HAL: variants seen among roughly 807,000 people sequenced by gnomAD.
HAL encodes the protein histidase.
In HAL, 85 loss-of-function variants were observed where a neutral mutation model predicts 81.1. The observed-to-expected ratio is 1.05, with a 90% confidence interval of 0.88 to 1.25. The LOEUF is 1.25. Among genes scored for constraint, HAL ranks in the 50% most tolerant of loss-of-function variants. The probability of loss-of-function intolerance (pLI) is 0.00; values close to 1 mark genes in which losing one functional copy is unlikely to be tolerated. For missense variants in HAL, 798 were observed against 836.6 expected, an observed-to-expected ratio of 0.95 and a Z score of 0.57; for synonymous variants, 301 against 309.2, an observed-to-expected ratio of 0.97 and a Z score of 0.28.
intron 14 of HAL, among the ~76,000 whole-genome samples, chr12:95,985,317 G>A (rs779467269): frequency 8.5e-5 from 13 of 152,076 alleles, no homozygotes; most frequent in African/African-American, 1.4e-4. Context: ...TGTCTGGGCC[G>A]GGGACGGTCC....
Position 95,974,367 on chromosome 12 carries a change from C to G in HAL, c.1839G>C (p.Trp613Cys). The change falls in exon 21 of 21, where the codon TGG becomes TGC. Residue 613 changes from tryptophan (W) to cysteine (C), a missense_variant. By Grantham distance (215) the Trp-to-Cys change is radical (BLOSUM62 -2). Transcript: ENST00000261208. Reference protein sequence around the residue: ...AHRLLLEQKVWEVAAPYIEKY... With the variant: ...AHRLLLEQKVCEVAAPYIEKY... ...TTTCAATGTATGGAGCAGCTACTTC[C>G]CAAACCTGAAAAGCAAGGACAAAAC... The G allele has an allele frequency of 1.2e-6, 2 of 1,613,668 alleles. No individual in the cohort carries two copies. Among genetic ancestry groups the G allele is most frequent in the Non-Finnish European group, 1.7e-6 (2 of 1,179,596 alleles).
chr12:95,994,273 C>A (rs574196892), intron 4 of HAL, 109 bp from the exon 5 acceptor site: 1 of 811,876 alleles, frequency 1.2e-6, no homozygotes, highest in African/African-American at 1.7e-5. Flanking sequence ...CTGATCATTG[C>A]GTGAAACATG....
intron 12 of HAL, among the ~76,000 whole-genome samples, 158 bp downstream of exon 12, chr12:95,986,909 C>G (rs149677985): frequency 3.3e-5 from 5 of 152,150 alleles, no homozygotes; most frequent in Non-Finnish European, 7.3e-5. Context: ...GTGCCATAGC[C>G]TAGATGAAGA....
In HAL at chr12:95,992,081, A is replaced by G. The variant is rs76599419; in HGVS notation, c.715+599T>C. On this transcript the variant is annotated intron_variant, in intron 9 of 20. Transcript: ENST00000261208. ...GTGAGAAGGGACAATACCTCCAATCACTGCAAATCTGGTTTCCACATTAGA... is the reference window on the plus strand; with the variant it reads ...GTGAGAAGGGACAATACCTCCAATCGCTGCAAATCTGGTTTCCACATTAGA... 9.2e-5 allele frequency among the ~76,000 whole-genome samples: 14 copies of G among 152,296 alleles called. No homozygotes were observed. The East Asian group carries it at 1.9e-3, about 21-fold the overall frequency.
intron 10 of HAL, 102 bp downstream of exon 10, chr12:95,990,291 C>A: frequency 2.1e-6 from 2 of 938,966 alleles, no homozygotes; most frequent in Non-Finnish European, 3.5e-6. Flanking sequence ...TAGGAGCTCC[C>A]TCACTGGGCT....
intron 14 of HAL, 84 bp from the exon 15 acceptor site, chr12:95,984,075 A>G (rs1949847216): frequency 4.0e-6 from 3 of 745,274 alleles, no homozygotes; most frequent in Non-Finnish European, 7.2e-6. Context: ...AGAAGATCTT[A>G]TCTTAAAGTT....
intron 17 of HAL, among the ~76,000 whole-genome samples, chr12:95,978,635 T>C (rs1234150055): frequency 6.6e-6 from 1 of 152,136 alleles, no homozygotes; most frequent in African/African-American, 2.4e-5. Context: ...CCAGTGCACA[T>C]GAATCACTCA....
At chr12:95,986,569 A>G (rs1949891410) in intron 12 of HAL, among the ~76,000 whole-genome samples, 1 of 152,242 alleles carries the variant, frequency 6.6e-6, no homozygotes, top group Non-Finnish European at 1.5e-5. Context: ...TTAAAGGAAC[A>G]GGGCGAATAA....
rs774228860 is a variant in HAL at position 95,987,170 on chromosome 12, G to A, written c.948C>T (p.Gly316=). 8 of 1,612,752 alleles carry A rather than the reference G, an allele frequency of 5.0e-6. No individual in the cohort carries two copies. In the South Asian group the frequency reaches 7.7e-5, roughly 15 times the overall value. ...CACTGGCTCGCTCTACAGCTTCACA[G>A]CCCAGGGATGTGATCATCTGCGTCC... is the stretch of plus-strand genomic sequence containing the variant. ...INGTQMITSL[G]CEAVERASAI... The change falls in exon 12 of 21, where the codon GGC becomes GGT. Residue 316 remains glycine, a synonymous_variant. Coordinates refer to ENST00000261208, the MANE Select transcript of HAL (RefSeq NM_002108.4).
chr12:95,976,453 G>C lies in HAL; in HGVS notation c.1809C>G (p.Ala603=). 2 of 1,613,956 alleles carry C rather than the reference G, an allele frequency of 1.2e-6. No homozygotes were observed. The highest frequency in any genetic ancestry group is 2.7e-5 in the African/African-American group (2 of 75,036). ...CCTTCTGCTCCAGGAGCAGCCTGTG[G>C]GCTGCCTCGATGTCCGGGGCCATGA... ...DRFMAPDIEA[A]HRLLLEQKVW... The change falls in exon 20 of 21, where the codon GCC becomes GCG. Residue 603 remains alanine, a synonymous_variant. Transcript: ENST00000261208.
rs1319754202 is a variant in HAL at position 95,995,651 on chromosome 12, T to C, written c.247+13A>G. 1.2e-6 allele frequency: 2 copies of C among 1,612,794 alleles called. No homozygotes were observed. Among genetic ancestry groups the C allele is most frequent in the Non-Finnish European group, 1.7e-6 (2 of 1,180,034 alleles). On this transcript the variant is annotated intron_variant, in intron 2 of 20. Transcript: ENST00000261208. ...ACCGCACCCGTTCGCGGCCCTCTCC[T>C]GCAGCCACTCACCCACTTCCACGAA...
intron 10 of HAL, 163 bp downstream of exon 10, chr12:95,990,230 G>C (rs545196786): frequency 2.0e-5 from 14 of 712,450 alleles, no homozygotes; most frequent in Non-Finnish European, 3.6e-5. Flanking sequence ...CAACAGTCTT[G>C]CCTAGTCTGA....
chr12:95,996,203 G>A lies in HAL; in HGVS notation c.-207C>T, dbSNP rs934273775. The A allele has an allele frequency of 6.9e-6, 3 of 433,960 alleles. No homozygotes were observed. Among genetic ancestry groups the A allele is most frequent in the Non-Finnish European group, 1.3e-5 (3 of 231,628 alleles). 26.9% of individuals were successfully genotyped at this position (433,960 alleles called of 1,614,324 possible). A position where few individuals can be genotyped will look rare whatever the true frequency, so the allele number is the denominator to read the frequency against. Reference sequence around the variant, plus strand: ...GGCCTGGGGTCTCCCACCCTGGGAGGTGCTGTTCTTGTCCCTGATGGCACC... The same window carrying A: ...GGCCTGGGGTCTCCCACCCTGGGAGATGCTGTTCTTGTCCCTGATGGCACC... On this transcript the variant is annotated 5_prime_UTR_variant, in exon 1 of 21. Transcript: ENST00000261208.
chr12:95,987,712 C>CT (rs1247738592), intron 11 of HAL, among the ~76,000 whole-genome samples: 1 of 152,070 alleles, frequency 6.6e-6, no homozygotes, highest in Non-Finnish European at 1.5e-5. Flanking sequence ...CATGAAGAAT[C>CT]TTTTTTTCTT....
In HAL at chr12:95,995,797, A is replaced by G. The variant is rs759283320; in HGVS notation, c.114T>C (p.Asn38=). Residue 38 remains asparagine (N), a synonymous_variant, in exon 2 of 21, where the codon AAT becomes AAC. Coordinates refer to ENST00000261208, the MANE Select transcript of HAL (RefSeq NM_002108.4). ...GREAVRRYIK[N]KPDNGGFTSV... is the part of the protein sequence containing the mutation. ...AGGTGAAGCCACCATTGTCGGGCTTATTCTTGATATAGCGCCTCACGGCCT... is the reference window on the plus strand; with the variant it reads ...AGGTGAAGCCACCATTGTCGGGCTTGTTCTTGATATAGCGCCTCACGGCCT... 2 of 1,613,442 alleles carry G rather than the reference A, an allele frequency of 1.2e-6. No homozygotes were observed. Among genetic ancestry groups the G allele is most frequent in the Non-Finnish European group, 1.7e-6 (2 of 1,180,024 alleles).
chr12:95,976,794 C>T (rs913148556), intron 18 of HAL, 88 bp from the exon 19 acceptor site: 3 of 794,856 alleles, frequency 3.8e-6, no homozygotes, highest in Non-Finnish European at 6.6e-6. Flanking sequence ...ACACCCATCA[C>T]CACCCAACTA....
chr12:95,978,888 T>C (rs1416946539), intron 17 of HAL, among the ~76,000 whole-genome samples: 1 of 152,230 alleles, frequency 6.6e-6, no homozygotes, highest in East Asian at 1.9e-4. Flanking sequence ...TTTTCTATGC[T>C]GCATGGGATC....
chr12:95,977,889 C>T (rs2080741469), intron 18 of HAL, 55 bp downstream of exon 18: 1 of 1,600,882 alleles, frequency 6.2e-7, no homozygotes, highest in African/African-American at 1.3e-5. Context: ...ACTTGAGAAC[C>T]ACGGGCACAG....
chr12:95,977,857 G>A (rs2080741045), intron 18 of HAL, 87 bp downstream of exon 18: 2 of 1,382,540 alleles, frequency 1.4e-6, no homozygotes, highest in East Asian at 4.6e-5. Flanking sequence ...AGGTGATGCT[G>A]ATGTTGCTGG....
Sources: allele counts gnomAD v4.1 joint callset (sites outside exome capture counted in the v4.1 genomes callset), GRCh38; gene constraint gnomAD v4.1.1; transcripts MANE v1.5; gene names NCBI Gene and HGNC (gene_info 2026-07-23, HGNC 2026-07-21).